Variants in NCAM1 observed in about 807,000 individuals in gnomAD.
NCAM1 encodes the protein neural cell adhesion molecule 1.
Under a neutral mutation model 109.8 loss-of-function variants are expected in NCAM1, and 14 were observed. The ratio of observed to expected loss-of-function variants is 0.13; its 90% CI spans 0.08 to 0.20. The LOEUF is 0.20. Ranked by LOEUF, NCAM1 falls within the 10% of genes least tolerant of loss-of-function variation. NCAM1 has a pLI of 1.00. For synonymous variants in NCAM1, 418 were observed against 442.9 expected (o/e 0.94, Z 0.70); for missense variants, 774 against 1,109.9 (o/e 0.70, Z 4.30).
chr11:113,202,286 T>C, intron 1 of NCAM1, 93 bp from the exon 2 acceptor site: 1 of 1,258,676 alleles, frequency 7.9e-7, no homozygotes, highest in Non-Finnish European at 1.1e-6. Context: ...AAGATCTGGG[T>C]TTCATTCTTG....
At chr11:113,152,133 G>A (rs551673439) in intron 1 of NCAM1, among the ~76,000 whole-genome samples, 1 of 152,230 alleles carries the variant, frequency 6.6e-6, no homozygotes, top group African/African-American at 2.4e-5. Context: ...TTTCAGGAAG[G>A]CATCTCTCAT....
chr11:113,229,586 T>C (rs1416122129), intron 9 of NCAM1, among the ~76,000 whole-genome samples: 1 of 152,216 alleles, frequency 6.6e-6, no homozygotes, highest in Non-Finnish European at 1.5e-5. Context: ...TTACTGGGTA[T>C]ATACCCAAAG....
At chr11:113,266,267 T>C (rs1326296482) in intron 17 of NCAM1, among the ~76,000 whole-genome samples, 1 of 152,244 alleles carries the variant, frequency 6.6e-6, no homozygotes, top group East Asian at 1.9e-4. Context: ...AATACCCTGC[T>C]GCCCATTTCA....
chr11:113,211,489 A>G (rs1944390552), intron 7 of NCAM1, among the ~76,000 whole-genome samples: 1 of 152,216 alleles, frequency 6.6e-6, no homozygotes, highest in Non-Finnish European at 1.5e-5. Context: ...TCCTTTTACT[A>G]AGTAGATGCA....
chr11:113,128,980 A>G (rs1717478171), intron 1 of NCAM1, among the ~76,000 whole-genome samples: 1 of 151,848 alleles, frequency 6.6e-6, no homozygotes. Flanking sequence ...ATATATTAAA[A>G]ATTAATCCTT....
At chr11:113,049,979 G>A (rs1953408322) in intron 1 of NCAM1, among the ~76,000 whole-genome samples, 1 of 152,160 alleles carries the variant, frequency 6.6e-6, no homozygotes, top group South Asian at 2.1e-4. Context: ...GAGTCTGAAT[G>A]CCTGAAAAAG....
chr11:113,161,776 A>G (rs1942608265), intron 1 of NCAM1, among the ~76,000 whole-genome samples: 3 of 152,112 alleles, frequency 2.0e-5, no homozygotes, highest in Non-Finnish European at 2.9e-5. Context: ...TGGAGTGTGT[A>G]GGTTTCTAGT....
rs902926466 is a variant in NCAM1, at chr11:113,275,460, A to G, written c.*73A>G. ...GCTTCACCAGAGCATTTCCAACACC[A>G]CAGACACACACACGCACGCACACAC... On this transcript the variant is annotated 3_prime_UTR_variant, in exon 20 of 20. Transcript: ENST00000316851. The G allele has an allele frequency of 5.9e-6, 9 of 1,535,328 alleles. No homozygotes were observed. Among genetic ancestry groups the G allele is most frequent in the Non-Finnish European group, 8.0e-6 (9 of 1,129,654 alleles).
At chr11:112,983,532 A>T (rs532467339) in intron 1 of NCAM1, among the ~76,000 whole-genome samples, 2 of 152,040 alleles carry the variant, frequency 1.3e-5, no homozygotes, top group East Asian at 3.9e-4. Context: ...TTATATGGGA[A>T]CCCAGAGAAG....
rs138520240 is a variant in NCAM1, at chr11:113,239,407, A to T, written c.1825+4243A>T. On this transcript the variant is annotated intron_variant, in intron 14 of 19. Transcript: ENST00000316851. ...CTGAGCTACCCACCTTCATAATTTC[A>T]TTGCCCAAACATTACCTCTTAATTT... Among the ~76,000 whole-genome samples the T allele has an allele frequency of 8.6e-5, 13 of 151,138 alleles. No individual in the cohort carries two copies. The East Asian group carries it at 2.5e-3, about 30-fold the overall frequency.
At chr11:112,987,414 T>C (rs917942193) in intron 1 of NCAM1, among the ~76,000 whole-genome samples, 1 of 152,154 alleles carries the variant, frequency 6.6e-6, no homozygotes, top group Non-Finnish European at 1.5e-5. Flanking sequence ...GTTGGTCTCA[T>C]GTGTAGCTCA....
intron 1 of NCAM1, among the ~76,000 whole-genome samples, chr11:113,087,612 A>G (rs1433154778): frequency 2.0e-5 from 3 of 152,330 alleles, no homozygotes; most frequent in East Asian, 3.9e-4. Context: ...AAGGGTGTCA[A>G]ACTTCCTATT....
intron 19 of NCAM1, 21 bp downstream of exon 19, chr11:113,271,897 T>C (rs1946288635): frequency 1.3e-6 from 2 of 1,537,486 alleles, no homozygotes; most frequent in South Asian, 2.4e-5. Context: ...TGGGAGGGGC[T>C]GGCACCTGCT....
At chr11:112,985,913 G>A (rs1951288987) in intron 1 of NCAM1, among the ~76,000 whole-genome samples, 1 of 151,556 alleles carries the variant, frequency 6.6e-6, no homozygotes, top group Admixed American at 6.6e-5. Flanking sequence ...ACTTTTTCTT[G>A]TCTAATTGCT....
At chr11:113,263,627 G>A (rs1359440902) in intron 17 of NCAM1, 7 of 985,466 alleles carry the variant, frequency 7.1e-6, no homozygotes, top group Non-Finnish European at 8.4e-6. Flanking sequence ...GCCAAGCCAT[G>A]ATGTGCCAAC....
chr11:113,096,122 A>G (rs1301249183), intron 1 of NCAM1, among the ~76,000 whole-genome samples: 1 of 152,178 alleles, frequency 6.6e-6, no homozygotes, highest in Admixed American at 6.5e-5. Flanking sequence ...CACTGGGGTC[A>G]CAGAGCAAAG....
intron 1 of NCAM1, among the ~76,000 whole-genome samples, chr11:113,101,381 C>A (rs1404762034): frequency 1.3e-5 from 2 of 152,168 alleles, no homozygotes; most frequent in African/African-American, 4.8e-5. Context: ...GAGCGTGTGA[C>A]CTTGTTTTTA....
chr11:113,271,392 AAAAAGAAAAGGAAAGG>A (rs1946269332), intron 18 of NCAM1, among the ~76,000 whole-genome samples: 3 of 151,318 alleles, frequency 2.0e-5, no homozygotes, highest in Non-Finnish European at 4.4e-5. Flanking sequence ...AAAAAAAAAA[AAAAAGAAAAGGAAAGG>A]AAAAGAAATG....
chr11:113,254,603 G>T (rs1555121959), intron 15 of NCAM1, among the ~76,000 whole-genome samples: 1 of 152,188 alleles, frequency 6.6e-6, no homozygotes, highest in Non-Finnish European at 1.5e-5. Context: ...AATGAGAAGT[G>T]AGGCGTGACT....
Sources: gnomAD v4.1 joint callset for allele counts (sites outside exome capture counted in the v4.1 genomes callset) on GRCh38, gnomAD v4.1.1 for gene constraint, MANE v1.5 for transcripts, NCBI Gene and HGNC (gene_info 2026-07-23, HGNC 2026-07-21) for gene names.